Variants in NPRL3 observed in about 807,000 individuals in gnomAD.
NPRL3 encodes GATOR1 complex protein NPRL3.
In NPRL3, 23 loss-of-function variants were observed where a neutral mutation model predicts 57.2. That is an observed-to-expected ratio of 0.40 (90% CI 0.29 to 0.57). The LOEUF is 0.57. Ranked by LOEUF, NPRL3 falls within the 20% of genes least tolerant of loss-of-function variation. NPRL3 has a pLI of 0.42. For synonymous variants in NPRL3, 333 were observed against 321.1 expected, an observed-to-expected ratio of 1.04 and a Z score of -0.39; for missense variants, 691 against 767.1, an observed-to-expected ratio of 0.90 and a Z score of 1.17.
chr16:110,903 C>A (rs1899777426), intron 6 of NPRL3, among the ~76,000 whole-genome samples: 1 of 152,124 alleles, frequency 6.6e-6, no homozygotes, highest in South Asian at 2.1e-4. Flanking sequence ...TGAGCTACCA[C>A]ATCCAGCCAA....
chr16:134,684 AATTATT>A (rs201304972), intron 2 of NPRL3, among the ~76,000 whole-genome samples: 4 of 118,670 alleles, frequency 3.4e-5, no homozygotes, highest in African/African-American at 1.3e-4. Flanking sequence ...AAGTCACAGT[AATTATT>A]ATTATTTTTT....
intron 7 of NPRL3, among the ~76,000 whole-genome samples, chr16:104,108 A>T (rs1899428079): frequency 6.6e-6 from 1 of 151,204 alleles, no homozygotes; most frequent in African/African-American, 2.4e-5. Flanking sequence ...CCTGGGCAAC[A>T]AAAGTGAAAC....
Position 138,290 on chromosome 16 carries a change from GGGCGGAGGGGGCCAGAGGAGGACGGA to G in NPRL3, c.-49_-24del. On this transcript the variant is annotated 5_prime_UTR_variant, in exon 2 of 14. Coordinates refer to ENST00000611875, the MANE Select transcript of NPRL3 (RefSeq NM_001077350.3). The stretch of plus-strand genomic sequence containing the variant: ...CATCCCGCCGTGGGGCCGGGGCCGG[GGGCGGAGGGGGCCAGAGGAGGACGGA>G]GCCGGAGGCGGAGGGGGCCTGAGGA... 6.4e-7 allele frequency: 1 copy of G among 1,562,138 alleles called. No individual in the cohort carries two copies. Among genetic ancestry groups the G allele is most frequent in the Non-Finnish European group, 8.7e-7 (1 of 1,153,574 alleles).
At chr16:138,061 C>G (rs1901193123) in intron 2 of NPRL3, 89 bp downstream of exon 2, 2 of 943,282 alleles carry the variant, frequency 2.1e-6, no homozygotes, top group Non-Finnish European at 3.3e-6. Flanking sequence ...CCAGCAAAAG[C>G]TAAGCTCCGC....
At chr16:114,997 A>G (rs1480132702) in intron 5 of NPRL3, among the ~76,000 whole-genome samples, 1 of 149,584 alleles carries the variant, frequency 6.7e-6, no homozygotes, top group Non-Finnish European at 1.5e-5. Context: ...TTTTTTTAAG[A>G]TAGGGTCTCA....
chr16:89,907 G>A lies in NPRL3; in HGVS notation c.1162-5C>T, dbSNP rs768868339. 3.0e-5 allele frequency: 46 copies of A among 1,543,936 alleles called. No homozygotes were observed. The South Asian group carries it at 3.7e-4, about 13-fold the overall frequency. The stretch of plus-strand genomic sequence containing the variant: ...CACCATCTGGATGAGCTGGGTCTGC[G>A]GGTGGCAGCAGGTGAGGCTGGTCCC... On this transcript the variant is annotated splice_region_variant and splice_polypyrimidine_tract_variant and intron_variant, in intron 11 of 13. Coordinates refer to ENST00000611875, the MANE Select transcript of NPRL3 (RefSeq NM_001077350.3).
chr16:100,266 A>T (rs1899219546), intron 8 of NPRL3, 106 bp downstream of exon 8: 1 of 1,241,248 alleles, frequency 8.1e-7, no homozygotes, highest in Admixed American at 3.7e-5. Flanking sequence ...CCGCAGTGGG[A>T]AGAAGAAAAA....
chr16:92,952 TG>T (rs1258067922), intron 10 of NPRL3: 4 of 626,446 alleles, frequency 6.4e-6, no homozygotes, highest in Non-Finnish European at 8.4e-6. Context: ...ATCTCACCTC[TG>T]ATCCCTCAAG....
rs1161911658 is a variant in NPRL3, at chr16:93,243, A to G, written c.1007T>C (p.Leu336Pro). ...YPLCENNVYMLSPNASVCLYS... is the reference protein window; with the variant it reads ...YPLCENNVYMPSPNASVCLYS... ...CAGACATACGCTGGCATTGGGAGACAGCATGTAGACGTTGTTCTCACACAG... is the reference window on the plus strand; with the variant it reads ...CAGACATACGCTGGCATTGGGAGACGGCATGTAGACGTTGTTCTCACACAG... Residue 336 changes from leucine (L) to proline (P), a missense_variant, in exon 10 of 14, where the codon CTG (leucine) becomes CCG (proline). Leu to Pro is a moderately conservative substitution (Grantham distance 98). Coordinates refer to ENST00000611875, the MANE Select transcript of NPRL3 (RefSeq NM_001077350.3). The G allele has an allele frequency of 3.9e-6, 6 of 1,557,258 alleles. No homozygotes were observed. Among genetic ancestry groups the G allele is most frequent in the Non-Finnish European group, 5.2e-6 (6 of 1,150,152 alleles).
In NPRL3 at chr16:119,123, T is replaced by A. The variant is rs746765533; in HGVS notation, c.318+3A>T. ...AGCCCCACCTGCCCAGGGAGAGCCA[T>A]ACCTGCCCCAGAGCATGCTGTAGCA... On this transcript the variant is annotated splice_donor_region_variant and intron_variant, in intron 4 of 13. Coordinates refer to ENST00000611875, the MANE Select transcript of NPRL3 (RefSeq NM_001077350.3). 8.1e-6 allele frequency: 13 copies of A among 1,613,008 alleles called. No individual in the cohort carries two copies.
intron 13 of NPRL3, 114 bp downstream of exon 13, chr16:88,584 A>T: frequency 3.1e-6 from 3 of 956,594 alleles, no homozygotes; most frequent in Non-Finnish European, 4.7e-6. Flanking sequence ...TCCATCTCGA[A>T]CAGGGCCCCA....
intron 12 of NPRL3, chr16:89,122 G>A (rs552562415): frequency 5.0e-5 from 28 of 561,422 alleles, no homozygotes; most frequent in Non-Finnish European, 8.7e-5. Flanking sequence ...CAAGGGACCT[G>A]AACAGAGGTG....
rs1901217763 is a variant in NPRL3 at position 138,294 on chromosome 16, G to A, written c.-27C>T. 3 of 1,546,776 alleles carry A rather than the reference G, an allele frequency of 1.9e-6. No homozygotes were observed. The highest frequency in any genetic ancestry group is 1.5e-5 in the African/African-American group (1 of 68,328). On this transcript the variant is annotated 5_prime_UTR_variant, in exon 2 of 14. Coordinates refer to ENST00000611875, the MANE Select transcript of NPRL3 (RefSeq NM_001077350.3). ...CCGCCGTGGGGCCGGGGCCGGGGGC[G>A]GAGGGGGCCAGAGGAGGACGGAGCC...
chr16:118,994 G>T, intron 4 of NPRL3, 132 bp downstream of exon 4: 1 of 1,380,008 alleles, frequency 7.2e-7, no homozygotes, highest in South Asian at 1.3e-5. Flanking sequence ...ACCTGCCCAA[G>T]GAGAGCCACA....
chr16:116,671 A>C (rs1353867380), intron 5 of NPRL3, among the ~76,000 whole-genome samples: 1 of 152,046 alleles, frequency 6.6e-6, no homozygotes, highest in Non-Finnish European at 1.5e-5. Context: ...AAAATACAAA[A>C]ATTAGCAGGG....
At chr16:116,103 G>A (rs150509116) in intron 5 of NPRL3, among the ~76,000 whole-genome samples, 11 of 152,216 alleles carry the variant, frequency 7.2e-5, no homozygotes, top group Non-Finnish European at 1.0e-4. Context: ...ACTACTCCCC[G>A]AGGTGAGGGC....
intron 6 of NPRL3, among the ~76,000 whole-genome samples, chr16:111,712 C>G (rs758324921): frequency 7.9e-5 from 12 of 152,142 alleles, no homozygotes; most frequent in Non-Finnish European, 1.6e-4. Flanking sequence ...CTCAGCCTCC[C>G]TAAGTGCTGG....
intron 2 of NPRL3, among the ~76,000 whole-genome samples, chr16:133,832 T>C (rs1275013751): frequency 6.6e-6 from 1 of 152,224 alleles, no homozygotes; most frequent in African/African-American, 2.4e-5. Flanking sequence ...TGATTCTTTA[T>C]TTCACTTGAA....
intron 7 of NPRL3, among the ~76,000 whole-genome samples, chr16:108,832 G>A (rs188183720): frequency 6.1e-4 from 92 of 151,288 alleles, no homozygotes; most frequent in African/African-American, 2.2e-3. Context: ...CACCACGCCC[G>A]GCTAATTTTT....
Sources: gnomAD v4.1 joint callset for allele counts (sites outside exome capture counted in the v4.1 genomes callset) on GRCh38, gnomAD v4.1.1 for gene constraint, MANE v1.5 for transcripts, NCBI Gene and HGNC (gene_info 2026-07-23, HGNC 2026-07-21) for gene names.